Variants in ACYP2 observed in about 807,000 individuals in gnomAD.
The protein encoded by ACYP2 is acylphosphatase 2, also known as acylphosphatase-2.
ACYP2 carries 12 observed loss-of-function variants against 11.2 expected under a neutral mutation model. The ratio of observed to expected loss-of-function variants is 1.08; its 90% CI spans 0.69 to 1.74. ACYP2 has a LOEUF of 1.74. Ranked by LOEUF, ACYP2 falls within the 40% of genes most tolerant of loss-of-function variation. The pLI is 0.00. For synonymous variants in ACYP2, 43 were observed against 32.2 expected (o/e 1.33, Z -1.13); for missense variants, 134 against 101.9 (o/e 1.31, Z -1.35).
chr2:54,201,476 A>G (rs981382110), intron 6 of ACYP2, among the ~76,000 whole-genome samples: 1 of 152,054 alleles, frequency 6.6e-6, no homozygotes, highest in African/African-American at 2.4e-5. Flanking sequence ...CTTATCAGAT[A>G]TAGAATTTGC....
intron 6 of ACYP2, among the ~76,000 whole-genome samples, chr2:54,212,413 T>C (rs1033729405): frequency 1.3e-5 from 2 of 152,212 alleles, no homozygotes; most frequent in Non-Finnish European, 2.9e-5. Context: ...GGACCTCAGC[T>C]GTAATCTCCT....
chr2:54,185,207 G>A (rs1683924761), intron 6 of ACYP2, among the ~76,000 whole-genome samples: 1 of 152,120 alleles, frequency 6.6e-6, no homozygotes, highest in Admixed American at 6.6e-5. Context: ...ATAAGAGAAT[G>A]GGCAGGTGAC....
At chr2:54,131,579 G>T (rs1171158513) in intron 4 of ACYP2, among the ~76,000 whole-genome samples, 1 of 151,964 alleles carries the variant, frequency 6.6e-6, no homozygotes, top group Non-Finnish European at 1.5e-5. Flanking sequence ...ATCATGCATG[G>T]TTTTTTCCAT....
intron 6 of ACYP2, among the ~76,000 whole-genome samples, chr2:54,206,695 T>C (rs1290402405): frequency 1.3e-5 from 2 of 152,206 alleles, no homozygotes; most frequent in African/African-American, 4.8e-5. Flanking sequence ...GTAGAGTAAA[T>C]AAAATTCACC....
chr2:54,041,101 CTTTCTTTCT>C (rs1281877448), intron 2 of ACYP2, among the ~76,000 whole-genome samples: 1 of 104,398 alleles, frequency 9.6e-6, no homozygotes, highest in African/African-American at 4.0e-5. Context: ...CTCTTTCTTT[CTTTCTTTCT>C]TTTTTTTTGT....
intron 6 of ACYP2, among the ~76,000 whole-genome samples, chr2:54,287,406 C>T (rs976111146): frequency 6.6e-6 from 1 of 151,916 alleles, no homozygotes; most frequent in Non-Finnish European, 1.5e-5. Flanking sequence ...TAAATTTTAC[C>T]ATATGAAATT....
At chr2:53,994,422 G>A (rs1672462257) in intron 2 of ACYP2, among the ~76,000 whole-genome samples, 1 of 150,466 alleles carries the variant, frequency 6.6e-6, no homozygotes, top group Non-Finnish European at 1.5e-5. Flanking sequence ...GGGAGGCTGA[G>A]GCAGGAGAAT....
At chr2:54,140,538 A>G (rs72800771) in intron 6 of ACYP2, among the ~76,000 whole-genome samples, 73,025 of 151,398 alleles carry the variant, frequency 0.48, 17,741 homozygotes, top group African/African-American at 0.54. Flanking sequence ...TCACACACAC[A>G]CACACACACA....
At chr2:54,300,754 A>G (rs2104168251) in intron 6 of ACYP2, among the ~76,000 whole-genome samples, 2 of 152,342 alleles carry the variant, frequency 1.3e-5, no homozygotes, top group Middle Eastern at 3.4e-3. Flanking sequence ...GACTTTTAAT[A>G]ATTTGTTAGG....
chr2:54,236,472 T>G (rs543602469), intron 6 of ACYP2, among the ~76,000 whole-genome samples: 7 of 152,352 alleles, frequency 4.6e-5, no homozygotes, highest in Non-Finnish European at 7.3e-5. Flanking sequence ...AGAAAGTATA[T>G]TTCTTAATTT....
chr2:54,127,264 A>C (rs911229906), intron 4 of ACYP2, among the ~76,000 whole-genome samples: 1 of 152,198 alleles, frequency 6.6e-6, no homozygotes, highest in Non-Finnish European at 1.5e-5. Flanking sequence ...TATGTTTTGC[A>C]TACATGGAAA....
Position 54,157,179 on chromosome 2 carries a change from C to G in ACYP2, c.404+18431C>G, listed in dbSNP as rs185701236. Among the ~76,000 whole-genome samples, 319 of 152,056 alleles carry G rather than the reference C, an allele frequency of 2.1e-3. 3 individuals are homozygous for G. The highest frequency in any genetic ancestry group is 7.2e-3 in the African/African-American group (298 of 41,478). The stretch of plus-strand genomic sequence containing the variant: ...TTTCTGTCCTCTTAATACCATAGTC[C>G]TATACATTTTTTCCTATGCATGTAA... On this transcript the variant is annotated intron_variant, in intron 6 of 6. Coordinates refer to ENST00000607452, the MANE Select transcript of ACYP2 (RefSeq NM_001320586.2).
intron 2 of ACYP2, among the ~76,000 whole-genome samples, chr2:54,035,009 CA>C (rs550142135): frequency 0.012 from 524 of 44,738 alleles, no homozygotes; most frequent in Middle Eastern, 0.052. Context: ...GACTACATCT[CA>C]AAAAAAAAAA....
intron 6 of ACYP2, among the ~76,000 whole-genome samples, chr2:54,195,581 C>T (rs1186739046): frequency 4.0e-5 from 6 of 150,760 alleles, no homozygotes; most frequent in Admixed American, 3.3e-4. Context: ...ATGTGGCCCC[C>T]GCAGCCCCAG....
chr2:53,982,495 A>C (rs1279374071), intron 2 of ACYP2, among the ~76,000 whole-genome samples: 1 of 152,196 alleles, frequency 6.6e-6, no homozygotes, highest in African/African-American at 2.4e-5. Flanking sequence ...AGACTGACAG[A>C]TATGAAAACA....
intron 4 of ACYP2, among the ~76,000 whole-genome samples, chr2:54,085,912 C>T (rs1355977530): frequency 6.6e-6 from 1 of 151,880 alleles, no homozygotes; most frequent in Non-Finnish European, 1.5e-5. Flanking sequence ...AGCCTCTGAC[C>T]TCTGGTGACT....
chr2:54,085,803 T>G (rs1179043143), intron 4 of ACYP2, among the ~76,000 whole-genome samples: 1 of 152,178 alleles, frequency 6.6e-6, no homozygotes, highest in African/African-American at 2.4e-5. Flanking sequence ...AATATATGGC[T>G]GTTAATTATA....
At chr2:53,980,671 A>C (rs1671709164) in intron 2 of ACYP2, among the ~76,000 whole-genome samples, 1 of 152,270 alleles carries the variant, frequency 6.6e-6, no homozygotes. Context: ...TTCACCCACC[A>C]CATACTCAGT....
At chr2:54,117,191 G>A (rs1679859798) in intron 4 of ACYP2, among the ~76,000 whole-genome samples, 1 of 152,142 alleles carries the variant, frequency 6.6e-6, no homozygotes, top group African/African-American at 2.4e-5. Context: ...TCTGGATGGA[G>A]TTATTATTGA....
Sources: allele counts gnomAD v4.1 joint callset (sites outside exome capture counted in the v4.1 genomes callset), GRCh38; gene constraint gnomAD v4.1.1; transcripts MANE v1.5; gene names NCBI Gene and HGNC (gene_info 2026-07-23, HGNC 2026-07-21).